CFH: variants seen among roughly 807,000 people sequenced by gnomAD.
CFH encodes the protein complement factor H.
CFH carries 53 observed loss-of-function variants against 147.3 expected under a neutral mutation model. The ratio of observed to expected loss-of-function variants is 0.36; its 90% CI spans 0.29 to 0.45. CFH has a LOEUF of 0.45. CFH is among the 20% of genes least tolerant of loss of function. The pLI is 1.00. For synonymous variants in CFH, 536 were observed against 489.4 expected, an observed-to-expected ratio of 1.10 and a Z score of -1.26; for missense variants, 1,380 against 1,498.0, an observed-to-expected ratio of 0.92 and a Z score of 1.30.
chr1:196,736,658 T>A (rs1669410179), intron 15 of CFH, among the ~76,000 whole-genome samples, 166 bp from the exon 16 acceptor site: 1 of 151,936 alleles, frequency 6.6e-6, no homozygotes, highest in African/African-American at 2.4e-5. Flanking sequence ...AATATTTGCA[T>A]ACAAAAACAT....
At chr1:196,718,072 A>C (rs1308499659) in intron 11 of CFH, among the ~76,000 whole-genome samples, 1 of 152,048 alleles carries the variant, frequency 6.6e-6, no homozygotes, top group African/African-American at 2.4e-5. Flanking sequence ...GAATGAGTAC[A>C]TTGTAGATGA....
chr1:196,659,163 G>A (rs143275451), intron 1 of CFH, among the ~76,000 whole-genome samples: 17 of 152,264 alleles, frequency 1.1e-4, no homozygotes, highest in Non-Finnish European at 2.9e-5. Flanking sequence ...CATACATGCT[G>A]AGAGTTTGAC....
chr1:196,689,395 CT>C, intron 7 of CFH, 24 bp from the exon 8 acceptor site: 4 of 1,598,806 alleles, frequency 2.5e-6, no homozygotes, highest in Middle Eastern at 1.7e-4. Flanking sequence ...TTTCTTTATA[CT>C]TTTTTTAAAA....
At chr1:196,735,265 C>T (rs776411111) in intron 15 of CFH, among the ~76,000 whole-genome samples, 1 of 151,910 alleles carries the variant, frequency 6.6e-6, no homozygotes, top group African/African-American at 2.4e-5. Context: ...GTGATTTTTG[C>T]TGGTTTCTAA....
In CFH at chr1:196,715,685, G is replaced by C. The variant is rs778051521; in HGVS notation, c.1612G>C (p.Asp538His). 9 of 1,612,906 alleles carry C rather than the reference G, an allele frequency of 5.6e-6. No individual in the cohort carries two copies. The South Asian group carries it at 9.9e-5, about 18-fold the overall frequency. Residue 538 changes from aspartate (D) to histidine (H), a missense_variant, in exon 11 of 22, where the codon GAT (aspartate) becomes CAT (histidine). Asp to His is a moderately conservative substitution (Grantham distance 81). Around this residue, in one of 4 missense-constraint regions of CFH, gnomAD observed 830 missense variants for 821.4 expected, o/e 1.01. Coordinates refer to ENST00000367429, the MANE Select transcript of CFH (RefSeq NM_000186.4). ...TGACACATTGGACTATGAATGCCATGATGGTTATGAAAGCAATACTGGAAG... is the reference window on the plus strand; with the variant it reads ...TGACACATTGGACTATGAATGCCATCATGGTTATGAAAGCAATACTGGAAG... ...LNDTLDYECH[D>H]GYESNTGSTT...
chr1:196,737,677 T>C lies in CFH; in HGVS notation c.2782+17T>C. ...AGTGTGAAGGTTAGGCCAATATGAATACTCAATTTCTGTTTATAGTAGAAT... is the reference window on the plus strand; with the variant it reads ...AGTGTGAAGGTTAGGCCAATATGAACACTCAATTTCTGTTTATAGTAGAAT... On this transcript the variant is annotated intron_variant, in intron 17 of 21. Transcript: ENST00000367429. The C allele has an allele frequency of 6.3e-7, 1 of 1,593,400 alleles. No individual in the cohort carries two copies. Among genetic ancestry groups the C allele is most frequent in the Non-Finnish European group, 8.6e-7 (1 of 1,161,582 alleles).
chr1:196,741,072 C>A, intron 18 of CFH: 1 of 414,668 alleles, frequency 2.4e-6, no homozygotes, highest in Non-Finnish European at 4.4e-6. Context: ...CTCTACTCAT[C>A]AATCTCCACA....
chr1:196,737,144 AT>A (rs1669426123), intron 16 of CFH, 138 bp downstream of exon 16: 1 of 767,396 alleles, frequency 1.3e-6, no homozygotes, highest in South Asian at 1.7e-5. Flanking sequence ...ACCTAGGCAC[AT>A]TAATCAATCA....
At chr1:196,699,574 T>C (rs1316736436) in intron 9 of CFH, among the ~76,000 whole-genome samples, 3 of 152,222 alleles carry the variant, frequency 2.0e-5, no homozygotes, top group Non-Finnish European at 4.4e-5. Context: ...TTACGCTCTT[T>C]GTGTCATCTA....
At chr1:196,735,407 G>A (rs1669376909) in intron 15 of CFH, among the ~76,000 whole-genome samples, 1 of 152,054 alleles carries the variant, frequency 6.6e-6, no homozygotes, top group Non-Finnish European at 1.5e-5. Flanking sequence ...CACACTAAAT[G>A]TAGAATTAGG....
chr1:196,740,207 G>A (rs1213199951), intron 17 of CFH, among the ~76,000 whole-genome samples: 2 of 152,162 alleles, frequency 1.3e-5, no homozygotes, highest in Non-Finnish European at 2.9e-5. Context: ...AACCTGTTCT[G>A]CAAGTTGTCA....
chr1:196,676,122 A>AT lies in CFH; in HGVS notation c.427+57_427+58insT, dbSNP rs377211562. ...AAATAAATATCTAAGATTTAAAAAA[A>AT]GTCTTACATTAAAATATCTTAAAGT... On this transcript the variant is annotated intron_variant, in intron 4 of 21. Transcript: ENST00000367429. 3,479 of 1,089,388 alleles carry AT rather than the reference A, an allele frequency of 3.2e-3. 15 individuals are homozygous for AT. Among genetic ancestry groups the AT allele is most frequent in the East Asian group, 0.017 (643 of 38,770 alleles). 67.5% of individuals were successfully genotyped at this position (1,089,388 alleles called of 1,614,324 possible).
intron 11 of CFH, 58 bp from the exon 12 acceptor site, chr1:196,725,063 A>C: frequency 1.4e-6 from 2 of 1,458,626 alleles, no homozygotes; most frequent in Non-Finnish European, 1.9e-6. Flanking sequence ...CATATGTAAA[A>C]TTAACTTTGG....
At position 196,745,949 on chromosome 1, in the gene CFH, A is replaced by C; in HGVS notation, c.3443A>C (p.Lys1148Thr). The change falls in exon 21 of 22, where the codon AAG (lysine) becomes ACG (threonine). Residue 1148 changes from lysine (K) to threonine (T), a missense_variant. Physicochemically the swap from Lys to Thr is moderately conservative, Grantham distance 78. This residue lies in a region of CFH where 123 missense variants were observed against 185.3 expected (regional missense o/e 0.66). Transcript: ENST00000367429. ...CQNLYQLEGN[K>T]RITCRNGQWS... The stretch of plus-strand genomic sequence containing the variant: ...AACTTGTATCAACTTGAGGGTAACA[A>C]GCGAATAACATGTAGAAATGGACAA... 6.2e-7 allele frequency: 1 copy of C among 1,614,160 alleles called. No individual in the cohort carries two copies. Among genetic ancestry groups the C allele is most frequent in the Middle Eastern group, 1.6e-4 (1 of 6,062 alleles).
Position 196,735,472 on chromosome 1 carries a change from A to G in CFH, c.2414-1352A>G, listed in dbSNP as rs1291573284. Among the ~76,000 whole-genome samples the G allele has an allele frequency of 2.6e-5, 4 of 152,278 alleles. No homozygotes were observed. The East Asian group carries it at 7.7e-4, about 29-fold the overall frequency. Reference sequence around the variant, plus strand: ...TATTTGCCATGTCACAAAATGTTAAATAATCTCTTTCTTAATTGTTTACTA... The same window carrying G: ...TATTTGCCATGTCACAAAATGTTAAGTAATCTCTTTCTTAATTGTTTACTA... On this transcript the variant is annotated intron_variant, in intron 15 of 21. Coordinates refer to ENST00000367429, the MANE Select transcript of CFH (RefSeq NM_000186.4).
chr1:196,667,604 T>A (rs1033723416), intron 1 of CFH, among the ~76,000 whole-genome samples: 1 of 152,192 alleles, frequency 6.6e-6, no homozygotes, highest in East Asian at 1.9e-4. Context: ...TCATCATATA[T>A]TTGAGTTTTC....
intron 6 of CFH, among the ~76,000 whole-genome samples, chr1:196,683,457 A>G (rs1667722884): frequency 6.6e-6 from 1 of 151,764 alleles, no homozygotes; most frequent in South Asian, 2.1e-4. Flanking sequence ...GAGACGGGAA[A>G]GTGGAGACAG....
At chr1:196,674,013 C>T in intron 3 of CFH, 51 bp downstream of exon 3, 1 of 1,196,406 alleles carries the variant, frequency 8.4e-7, no homozygotes, top group Non-Finnish European at 1.2e-6. Context: ...TAAATAGGAA[C>T]TCTACTACTT....
At chr1:196,680,811 T>C (rs1310080883) in intron 6 of CFH, among the ~76,000 whole-genome samples, 2 of 151,926 alleles carry the variant, frequency 1.3e-5, no homozygotes, top group Non-Finnish European at 2.9e-5. Flanking sequence ...AAAGAATAGT[T>C]AATTTTGGGT....
Sources: allele counts gnomAD v4.1 joint callset (sites outside exome capture counted in the v4.1 genomes callset), GRCh38; gene constraint gnomAD v4.1.1; regional missense constraint gnomAD v4.1.1; transcripts MANE v1.5; gene names NCBI Gene and HGNC (gene_info 2026-07-23, HGNC 2026-07-21).